The following RAB3IL1 variants were observed in gnomAD, a reference collection of about 807,000 sequenced individuals.
RAB3IL1 encodes the protein RAB3A interacting protein like 1, also known as guanine nucleotide exchange factor for Rab-3A.
A neutral mutation model predicts 49.2 loss-of-function variants in RAB3IL1; 37 were observed. That is an observed-to-expected ratio of 0.75 (90% CI 0.58 to 0.99). The LOEUF (loss-of-function observed/expected upper bound fraction) is 0.99. Ranked by LOEUF, RAB3IL1 falls within the 50% of genes least tolerant of loss-of-function variation. RAB3IL1 has a pLI of 0.00. For synonymous variants in RAB3IL1, 193 were observed against 213.9 expected (o/e 0.90, Z 0.85); for missense variants, 484 against 513.0 (o/e 0.94, Z 0.55).
the RAB3IL1 span, among the ~76,000 whole-genome samples, chr11:61,940,782 TG>T: frequency 4.6e-5 from 7 of 152,064 alleles, no homozygotes; most frequent in African/African-American, 1.4e-4. Context: ...TAGCGGGGCA[TG>T]GTGGCACTTG....
At position 61,908,090 on chromosome 11, in the gene RAB3IL1, G is replaced by A. The variant is rs753492690; in HGVS notation, c.228C>T (p.Ser76=). The change falls in exon 2 of 10, where the codon TCC becomes TCT. Residue 76 remains serine (S), a synonymous_variant. Transcript: ENST00000394836. ...TGTGCAGCTCCTCCTTCAGGAACTCGGAGCCCTTCTCTCGGATCTCCATGG... is the reference window on the plus strand; with the variant it reads ...TGTGCAGCTCCTCCTTCAGGAACTCAGAGCCCTTCTCTCGGATCTCCATGG... ...SSSMEIREKG[S]EFLKEELHRA... 6.7e-5 allele frequency: 108 copies of A among 1,611,138 alleles called. No homozygotes were observed. The Admixed American group carries it at 1.6e-3, about 23-fold the overall frequency.
Position 61,908,279 on chromosome 11 carries a change from C to A in RAB3IL1, c.39G>T (p.Pro13=), listed in dbSNP as rs61898561. 8.3e-5 allele frequency: 124 copies of A among 1,496,952 alleles called. No individual in the cohort carries two copies. The highest frequency in any genetic ancestry group is 1.1e-4 in the Non-Finnish European group (120 of 1,125,092). 92.7% of individuals were successfully genotyped at this position (1,496,952 alleles called of 1,614,324 possible). A position where few individuals can be genotyped will look rare whatever the true frequency, so the allele number is the denominator to read the frequency against. Residue 13 remains proline, a synonymous_variant, in exon 2 of 10, where the codon CCG becomes CCT. Coordinates refer to ENST00000394836, the MANE Select transcript of RAB3IL1 (RefSeq NM_013401.4). ...SGPPQPDQGL[P]PPLAAVPVPW... Reference sequence around the variant, plus strand: ...GGACCGGGACAGCTGCAAGGGGCGGCGGGAGGCCCTGGTCTGGCTGGGGTG... The same window carrying A: ...GGACCGGGACAGCTGCAAGGGGCGGAGGGAGGCCCTGGTCTGGCTGGGGTG...
At position 61,898,918 on chromosome 11, in the gene RAB3IL1, C is replaced by A. The variant is rs1267645655; in HGVS notation, c.1066+396G>T. 2 of 482,272 alleles carry A rather than the reference C, an allele frequency of 4.1e-6. No homozygotes were observed. The highest frequency in any genetic ancestry group is 8.2e-6 in the Non-Finnish European group (2 of 244,634). The allele number at this position is 482,272 out of a possible 1,614,324, so 29.9% of individuals were successfully genotyped here. On this transcript the variant is annotated intron_variant, in intron 9 of 9. Coordinates refer to ENST00000394836, the MANE Select transcript of RAB3IL1 (RefSeq NM_013401.4). This position sits in a 1 kb window ranked among gnomAD's most constrained non-coding sequence, Gnocchi z 5.1. ...GTTGGTGGAGGAGCGGGGAGCCAGG[C>A]CTTGCAGAATGGGCTGTGGGGGGAG... is the stretch of plus-strand genomic sequence containing the variant.
the RAB3IL1 span, among the ~76,000 whole-genome samples, chr11:61,928,013 A>G: frequency 1.3e-5 from 2 of 152,144 alleles, no homozygotes. Flanking sequence ...GACTAAGAGG[A>G]GTCATTGAAG....
chr11:61,902,897 A>G (rs1255817774), intron 7 of RAB3IL1, among the ~76,000 whole-genome samples: 2 of 152,084 alleles, frequency 1.3e-5, no homozygotes, highest in Admixed American at 6.6e-5. Context: ...TCCTCCCCCA[A>G]CTAGGCCAGA....
chr11:61,918,360 G>C (rs1306903601), upstream of RAB3IL1, among the ~76,000 whole-genome samples: 1 of 152,226 alleles, frequency 6.6e-6, no homozygotes, highest in African/African-American at 2.4e-5. Flanking sequence ...CACCTTCCCT[G>C]TCTAGGGGAG....
chr11:61,920,447 A>G (rs192210007), upstream of RAB3IL1, among the ~76,000 whole-genome samples: 1 of 122,684 alleles, frequency 8.2e-6, no homozygotes, highest in South Asian at 2.6e-4. Context: ...GAGGTGAGAC[A>G]CCTCTAGGGG....
At chr11:61,940,722 C>G in the RAB3IL1 span, among the ~76,000 whole-genome samples, 1 of 152,118 alleles carries the variant, frequency 6.6e-6, no homozygotes, top group Non-Finnish European at 1.5e-5. Context: ...GGGTTTGAGA[C>G]CAGCCTGGGC....
the RAB3IL1 span, among the ~76,000 whole-genome samples, chr11:61,932,067 T>A: frequency 5.3e-5 from 8 of 151,844 alleles, no homozygotes; most frequent in Non-Finnish European, 1.2e-4. Context: ...CTGGCTAACA[T>A]GGTGAAACCC....
upstream of RAB3IL1, chr11:61,920,139 C>A (rs1477797071): frequency 5.9e-6 from 8 of 1,345,380 alleles, no homozygotes; most frequent in Non-Finnish European, 7.7e-6. Flanking sequence ...TGGCCAGGAA[C>A]ACGGGACATG....
the RAB3IL1 span, among the ~76,000 whole-genome samples, chr11:61,937,399 T>C: frequency 6.6e-6 from 1 of 152,178 alleles, no homozygotes; most frequent in South Asian, 2.1e-4. Context: ...CATGAACTCC[T>C]GGACTCAAGT....
chr11:61,903,135 C>G (rs1939005711), intron 7 of RAB3IL1, among the ~76,000 whole-genome samples: 1 of 152,110 alleles, frequency 6.6e-6, no homozygotes, highest in Non-Finnish European at 1.5e-5. Context: ...GAGCAACCCC[C>G]ATCTGGGCCC....
chr11:61,915,308 T>C (rs1383572804), intron 1 of RAB3IL1, among the ~76,000 whole-genome samples: 4 of 152,034 alleles, frequency 2.6e-5, no homozygotes, highest in Admixed American at 2.6e-4. Flanking sequence ...GGGGGCTGGA[T>C]GGTGGGGAGG....
In RAB3IL1 at chr11:61,908,233, A is replaced by T. The variant is rs1356675456; in HGVS notation, c.85T>A (p.Cys29Ser). ...VPVPWKSTDP[C>S]QGHRESPGAL... ...CCTGGGGACTCCCTGTGGCCTTGGC[A>T]GGGGTCCGTGCTCTTCCAGGGGACC... The change falls in exon 2 of 10, where the codon TGC becomes AGC. Residue 29 changes from cysteine to serine, a missense_variant. Transcript: ENST00000394836. The T allele has an allele frequency of 6.5e-7, 1 of 1,539,666 alleles. No individual in the cohort carries two copies.
the RAB3IL1 span, among the ~76,000 whole-genome samples, chr11:61,930,460 G>A: frequency 5.9e-5 from 9 of 152,306 alleles, 1 homozygote; most frequent in East Asian, 9.6e-4. Context: ...TACACCAAAA[G>A]CAAGGTGGTA....
intron 1 of RAB3IL1, among the ~76,000 whole-genome samples, chr11:61,915,195 C>T (rs1054550577): frequency 3.9e-5 from 6 of 152,178 alleles, no homozygotes; most frequent in Admixed American, 3.9e-4. Flanking sequence ...CAGCTAGGCC[C>T]CTGGGGGTGC....
At chr11:61,939,791 A>G in the RAB3IL1 span, among the ~76,000 whole-genome samples, 1 of 152,040 alleles carries the variant, frequency 6.6e-6, no homozygotes, top group Non-Finnish European at 1.5e-5. Flanking sequence ...TCTCTGCTAA[A>G]AATAAAATAT....
chr11:61,898,880 G>A lies in RAB3IL1; in HGVS notation c.1066+434C>T, dbSNP rs1457303219. On this transcript the variant is annotated intron_variant, in intron 9 of 9. Transcript: ENST00000394836. The surrounding 1 kb of genome is among the most constrained non-coding windows in gnomAD (Gnocchi z 5.1). ...CCAGACTGGTTCAGGAGAAGACTCA[G>A]CAGCGAGCAAAGGTTGGTGGAGGAG... 2.1e-6 allele frequency: 1 copy of A among 470,808 alleles called. No homozygotes were observed. Among genetic ancestry groups the A allele is most frequent in the Non-Finnish European group, 4.2e-6 (1 of 237,144 alleles). The allele number at this position is 470,808 out of a possible 1,614,324, so 29.2% of individuals were successfully genotyped here.
chr11:61,944,220 C>CTCCTTCCTTCCTTCCT, the RAB3IL1 span, among the ~76,000 whole-genome samples: 830 of 37,030 alleles, frequency 0.022, 15 homozygotes, highest in African/African-American at 0.033. Context: ...CCTTCCTTCC[C>CTCCTTCCTTCCTTCCT]TCCTTCCTTC....
Sources: gnomAD v4.1 joint callset for allele counts (sites outside exome capture counted in the v4.1 genomes callset) on GRCh38, gnomAD v4.1.1 for gene constraint, Gnocchi (gnomAD v3.1) non-coding constraint, MANE v1.5 for transcripts, NCBI Gene and HGNC (gene_info 2026-07-23, HGNC 2026-07-21) for gene names.